Variants in ALKAL2 observed in about 807,000 individuals in gnomAD.
ALKAL2 encodes ALK and LTK ligand 2, also known as AUG-alpha.
A neutral mutation model predicts 18.5 loss-of-function variants in ALKAL2; 8 were observed. That is an observed-to-expected ratio of 0.43 (90% CI 0.25 to 0.78). The LOEUF (loss-of-function observed/expected upper bound fraction) is 0.78. Among genes scored for constraint, ALKAL2 ranks in the 30% least tolerant of loss-of-function variants. The pLI, the probability that ALKAL2 is intolerant of heterozygous loss-of-function variation, is 0.22. For missense variants in ALKAL2, 241 were observed against 211.2 expected, an observed-to-expected ratio of 1.14 and a Z score of -0.88; for synonymous variants, 135 against 95.8, an observed-to-expected ratio of 1.41 and a Z score of -2.39.
Position 286,310 on chromosome 2 carries a change from T to G in ALKAL2, c.287A>C (p.Lys96Thr), listed in dbSNP as rs1670505893. The G allele has an allele frequency of 1.2e-6, 2 of 1,612,760 alleles. No individual in the cohort carries two copies. The highest frequency in any genetic ancestry group is 1.7e-6 in the Non-Finnish European group (2 of 1,179,418). Residue 96 changes from lysine to threonine, a missense_variant, in exon 3 of 6, where the codon AAG (lysine) becomes ACG (threonine). Transcript: ENST00000403610. ...CTTACCTGTAAGGTGTTTTAGAAAC[T>G]TGTCCTTCATCCTCAGATCTCGAGG... The part of the protein sequence containing the change: ...IVPRDLRMKD[K>T]FLKHLTGPLY...
chr2:283,367 T>A, intron 4 of ALKAL2, 192 bp from the exon 5 acceptor site: 1 of 985,422 alleles, frequency 1.0e-6, no homozygotes, highest in Non-Finnish European at 1.2e-6. Context: ...CTTCAAGGGC[T>A]TGAGCTTCAA....
At chr2:284,341 A>G (rs1007711107) in intron 4 of ALKAL2, among the ~76,000 whole-genome samples, 1 of 152,234 alleles carries the variant, frequency 6.6e-6, no homozygotes, top group Non-Finnish European at 1.5e-5. Context: ...GATGGGACTT[A>G]GTTCTGCATT....
At chr2:287,546 G>A in intron 2 of ALKAL2, 37 bp downstream of exon 2, 1 of 1,333,102 alleles carries the variant, frequency 7.5e-7, no homozygotes, top group Non-Finnish European at 9.6e-7. Context: ...CTATTTCCCA[G>A]CAGCCCCGGC....
intron 5 of ALKAL2, among the ~76,000 whole-genome samples, chr2:282,647 T>C (rs1670390573): frequency 6.6e-6 from 1 of 152,168 alleles, no homozygotes; most frequent in Admixed American, 6.5e-5. Context: ...AAAAAACCAT[T>C]GATAGAAACA....
intron 5 of ALKAL2, among the ~76,000 whole-genome samples, chr2:282,643 C>A (rs1280476686): frequency 2.0e-5 from 3 of 151,524 alleles, no homozygotes; most frequent in Admixed American, 6.6e-5. Flanking sequence ...AAAAAAAAAA[C>A]CATTGATAGA....
At chr2:285,669 G>A (rs958817911) in intron 4 of ALKAL2, among the ~76,000 whole-genome samples, 3 of 152,206 alleles carry the variant, frequency 2.0e-5, no homozygotes, top group African/African-American at 7.2e-5. Context: ...GCCAGCCAGA[G>A]AAACAGTTTT....
chr2:283,277 A>C, intron 4 of ALKAL2, 102 bp from the exon 5 acceptor site: 1 of 1,505,228 alleles, frequency 6.6e-7, no homozygotes, highest in Non-Finnish European at 8.9e-7. Flanking sequence ...ATTTCTTCAA[A>C]TATCTGAATT....
In ALKAL2 at chr2:286,111, G is replaced by A; in HGVS notation, c.388+12C>T. 3 of 1,608,720 alleles carry A rather than the reference G, an allele frequency of 1.9e-6. No individual in the cohort carries two copies. Among genetic ancestry groups the A allele is most frequent in the Non-Finnish European group, 2.6e-6 (3 of 1,175,506 alleles). On this transcript the variant is annotated intron_variant, in intron 4 of 5. Coordinates refer to ENST00000403610, the MANE Select transcript of ALKAL2 (RefSeq NM_001002919.3). ...CTCTTGCATTTTATAAAAATCCAATGCTGTTACTTACATGCAGGAATGGTG... is the reference window on the plus strand; with the variant it reads ...CTCTTGCATTTTATAAAAATCCAATACTGTTACTTACATGCAGGAATGGTG...
intron 5 of ALKAL2, among the ~76,000 whole-genome samples, chr2:281,048 C>T (rs573565480): frequency 6.6e-5 from 10 of 152,346 alleles, no homozygotes; most frequent in Admixed American, 1.3e-4. Flanking sequence ...CCCTGGGACA[C>T]CTGCCCTGCC....
In ALKAL2 at chr2:279,965, TTATCGAATATA is replaced by T. The variant is rs1423281094; in HGVS notation, c.*171_*181del. 3 of 652,058 alleles carry T rather than the reference TTATCGAATATA, an allele frequency of 4.6e-6. No individual in the cohort carries two copies. The highest frequency in any genetic ancestry group is 8.3e-6 in the Non-Finnish European group (3 of 360,654). 40.4% of individuals were successfully genotyped at this position (652,058 alleles called of 1,614,324 possible). A position where few individuals can be genotyped will look rare whatever the true frequency, so the allele number is the denominator to read the frequency against. On this transcript the variant is annotated 3_prime_UTR_variant, in exon 6 of 6. Transcript: ENST00000403610. ...AGATAACACTGTCAAGTACACTGAT[TTATCGAATATA>T]TATCTGCAAACTGTCAACAACATAC...
chr2:283,577 GC>G, intron 4 of ALKAL2: 1 of 985,432 alleles, frequency 1.0e-6, no homozygotes, highest in South Asian at 4.7e-5. Flanking sequence ...ATGGGACAAA[GC>G]CTTCTGCCTG....
chr2:287,878 C>A lies in ALKAL2; in HGVS notation c.-43G>T. ...GGGGCTGGGAGACTCCGACACGCGC[C>A]GAGAGCTGGGCTCGCTGCGAGAGAA... is the stretch of plus-strand genomic sequence containing the variant. On this transcript the variant is annotated 5_prime_UTR_variant, in exon 2 of 6. Transcript: ENST00000403610. 1 of 1,262,214 alleles carries A rather than the reference C, an allele frequency of 7.9e-7. No individual in the cohort carries two copies. The highest frequency in any genetic ancestry group is 3.1e-5 in the South Asian group (1 of 32,326). 78.2% of individuals were successfully genotyped at this position (1,262,214 alleles called of 1,614,324 possible). A position where few individuals can be genotyped will look rare whatever the true frequency, so the allele number is the denominator to read the frequency against.
Position 280,030 on chromosome 2 carries a change from G to C in ALKAL2, c.*117C>G, listed in dbSNP as rs1047901633. ...ACTCAAAGGACTTATGGAAGAGTCT[G>C]TCTGCAAAAATAAATCTCTTGTCCA... is the stretch of plus-strand genomic sequence containing the variant. On this transcript the variant is annotated 3_prime_UTR_variant, in exon 6 of 6. Transcript: ENST00000403610. The C allele has an allele frequency of 8.6e-7, 1 of 1,163,446 alleles. No individual in the cohort carries two copies. The highest frequency in any genetic ancestry group is 1.3e-6 in the Non-Finnish European group (1 of 772,794). 72.1% of individuals were successfully genotyped at this position (1,163,446 alleles called of 1,614,324 possible).
At chr2:284,495 G>C (rs1670442456) in intron 4 of ALKAL2, among the ~76,000 whole-genome samples, 1 of 152,114 alleles carries the variant, frequency 6.6e-6, no homozygotes, top group Non-Finnish European at 1.5e-5. Flanking sequence ...GTTCTTTATG[G>C]GCTAAGAAGA....
chr2:283,388 C>T lies in ALKAL2; in HGVS notation c.389-213G>A, dbSNP rs376011039. 19 of 985,376 alleles carry T rather than the reference C, an allele frequency of 1.9e-5. No individual in the cohort carries two copies. The East Asian group carries it at 1.4e-3, about 71-fold the overall frequency. The allele number at this position is 985,376 out of a possible 1,614,324, so 61.0% of individuals were successfully genotyped here. ...GGGCTTGAGCTTCAATGGCAGAAGT[C>T]GGATGATGTAAGTGGGGCAGCGGAG... On this transcript the variant is annotated intron_variant, in intron 4 of 5. Coordinates refer to ENST00000403610, the MANE Select transcript of ALKAL2 (RefSeq NM_001002919.3).
At chr2:287,013 CT>C (rs997530709) in intron 2 of ALKAL2, 3 of 152,292 alleles carry the variant, frequency 2.0e-5, no homozygotes, top group African/African-American at 7.2e-5. Flanking sequence ...TTACAGCCCT[CT>C]CCATCTTCAC....
At position 288,082 on chromosome 2, in the gene ALKAL2, T is replaced by C. The variant is rs1181799700; in HGVS notation, c.-127A>G. On this transcript the variant is annotated 5_prime_UTR_variant, in exon 1 of 6. Coordinates refer to ENST00000403610, the MANE Select transcript of ALKAL2 (RefSeq NM_001002919.3). ...GTCTCCTCGACGATCACGCCCGAGGTCCCGCCCACGGGGAGCGACCGCCGC... is the reference window on the plus strand; with the variant it reads ...GTCTCCTCGACGATCACGCCCGAGGCCCCGCCCACGGGGAGCGACCGCCGC... The C allele has an allele frequency of 1.3e-5, 15 of 1,189,820 alleles. No homozygotes were observed. Among genetic ancestry groups the C allele is most frequent in the Non-Finnish European group, 1.5e-5 (14 of 962,004 alleles). 73.7% of individuals were successfully genotyped at this position (1,189,820 alleles called of 1,614,324 possible). A position where few individuals can be genotyped will look rare whatever the true frequency, so the allele number is the denominator to read the frequency against.
At chr2:286,499 A>T (rs998760690) in intron 2 of ALKAL2, 156 bp from the exon 3 acceptor site, 5 of 592,320 alleles carry the variant, frequency 8.4e-6, no homozygotes, top group Non-Finnish European at 1.5e-5. Flanking sequence ...AACACACGAC[A>T]GTGAAGAAGA....
chr2:280,723 T>C (rs1572202992), intron 5 of ALKAL2, among the ~76,000 whole-genome samples: 1 of 152,200 alleles, frequency 6.6e-6, no homozygotes, highest in African/African-American at 2.4e-5. Flanking sequence ...GACCTGTAAG[T>C]CCGGACAATG....
Sources: allele counts gnomAD v4.1 joint callset (sites outside exome capture counted in the v4.1 genomes callset), GRCh38; gene constraint gnomAD v4.1.1; transcripts MANE v1.5; gene names NCBI Gene and HGNC (gene_info 2026-07-23, HGNC 2026-07-21).